The following SPECC1L variants were observed in gnomAD, a reference collection of about 807,000 sequenced individuals.
SPECC1L encodes the protein cytospin-A.
A neutral mutation model predicts 116.8 loss-of-function variants in SPECC1L; 40 were observed. That is an observed-to-expected ratio of 0.34 (90% confidence interval 0.27 to 0.45). SPECC1L has a LOEUF of 0.45. Ranked by LOEUF, SPECC1L falls within the 20% of genes least tolerant of loss-of-function variation. The pLI, the probability that SPECC1L is intolerant of heterozygous loss-of-function variation, is 1.00. For missense variants in SPECC1L, 1,110 were observed against 1,373.6 expected (o/e 0.81, Z 3.03); for synonymous variants, 504 against 500.6 (o/e 1.01, Z -0.09).
At chr22:24,369,592 G>C (rs974139264) in intron 14 of SPECC1L, among the ~76,000 whole-genome samples, 11 of 152,144 alleles carry the variant, frequency 7.2e-5, no homozygotes, top group African/African-American at 2.7e-4. Flanking sequence ...CCAGCTACTT[G>C]AGAGGCTGAG....
chr22:24,286,000 GTTTA>G (rs769185859), intron 2 of SPECC1L, among the ~76,000 whole-genome samples: 1 of 152,216 alleles, frequency 6.6e-6, no homozygotes, highest in East Asian at 1.9e-4. Context: ...AAAAGCGATT[GTTTA>G]TTTAAGCTAA....
intron 11 of SPECC1L, among the ~76,000 whole-genome samples, chr22:24,348,679 C>T (rs2041354383): frequency 6.6e-6 from 1 of 152,266 alleles, no homozygotes; most frequent in East Asian, 1.9e-4. Flanking sequence ...CATCCCGCCT[C>T]CCAGATGAAC....
intron 3 of SPECC1L, among the ~76,000 whole-genome samples, chr22:24,309,005 G>T (rs769701917): frequency 6.6e-6 from 1 of 152,204 alleles, no homozygotes; most frequent in African/African-American, 2.4e-5. Context: ...CATTTCTGAC[G>T]TAGTAAGTTT....
chr22:24,355,697 T>A (rs1260657029), intron 11 of SPECC1L, among the ~76,000 whole-genome samples: 1 of 152,202 alleles, frequency 6.6e-6, no homozygotes, highest in African/African-American at 2.4e-5. Flanking sequence ...TATACAAAGT[T>A]ACTTAAGCCA....
intron 2 of SPECC1L, among the ~76,000 whole-genome samples, chr22:24,278,699 C>G (rs1321408737): frequency 2.0e-5 from 3 of 152,180 alleles, no homozygotes. Context: ...CCAGTGAGTG[C>G]AGCTTGAATC....
intron 14 of SPECC1L, among the ~76,000 whole-genome samples, chr22:24,375,511 A>G (rs911324161): frequency 2.0e-5 from 3 of 152,250 alleles, no homozygotes; most frequent in Non-Finnish European, 4.4e-5. Context: ...TTAATACTGT[A>G]ATACCATATT....
At chr22:24,334,287 C>T (rs1014620453) in intron 8 of SPECC1L, 123 bp from the exon 9 acceptor site, 1 of 945,524 alleles carries the variant, frequency 1.1e-6, no homozygotes, top group South Asian at 1.4e-5. Flanking sequence ...GCTGGGATTA[C>T]AGGTGTGAGC....
intron 2 of SPECC1L, among the ~76,000 whole-genome samples, chr22:24,291,807 C>T (rs1325313399): frequency 2.6e-5 from 4 of 152,118 alleles, no homozygotes; most frequent in Non-Finnish European, 5.9e-5. Context: ...TTAACTTACC[C>T]AGGGATATAG....
At chr22:24,402,369 A>G (rs1229309390) in intron 14 of SPECC1L, among the ~76,000 whole-genome samples, 1 of 151,840 alleles carries the variant, frequency 6.6e-6, no homozygotes. Flanking sequence ...ATCAATCAAC[A>G]GTCTCGATGG....
intron 14 of SPECC1L, among the ~76,000 whole-genome samples, chr22:24,397,065 A>C (rs1302207103): frequency 3.3e-5 from 5 of 152,124 alleles, no homozygotes; most frequent in Non-Finnish European, 7.4e-5. Flanking sequence ...CATTTATTGC[A>C]CTAAAGGAAA....
chr22:24,372,080 C>CT (rs1488368018), intron 14 of SPECC1L, among the ~76,000 whole-genome samples: 1 of 152,132 alleles, frequency 6.6e-6, no homozygotes, highest in East Asian at 1.9e-4. Flanking sequence ...AAGCAGTAAT[C>CT]TAAGTTTCTT....
rs200206900 is a variant in SPECC1L, at chr22:24,321,606, T to C, written c.626T>C (p.Met209Thr). The change falls in exon 5 of 17, where the codon ATG (methionine) becomes ACG (threonine). Residue 209 changes from methionine to threonine, a missense_variant. Transcript: ENST00000314328. ...CATTTGAGAAATGAACTGCGAGACA[T>C]GCGTGCCCAGCTGGGCATTAATGAG... The part of the protein sequence containing the change: ...ILHLRNELRD[M>T]RAQLGINEDH... The C allele has an allele frequency of 1.4e-5, 22 of 1,614,036 alleles. No individual in the cohort carries two copies. Among genetic ancestry groups the C allele is most frequent in the Non-Finnish European group, 1.8e-5 (21 of 1,180,044 alleles).
At chr22:24,312,422 C>T (rs1207026055) in intron 3 of SPECC1L, among the ~76,000 whole-genome samples, 1 of 152,146 alleles carries the variant, frequency 6.6e-6, no homozygotes, top group African/African-American at 2.4e-5. Flanking sequence ...GAAATGAATT[C>T]AGTATGATTA....
intron 14 of SPECC1L, among the ~76,000 whole-genome samples, chr22:24,408,365 G>T (rs979665903): frequency 6.6e-6 from 1 of 152,254 alleles, no homozygotes; most frequent in African/African-American, 2.4e-5. Context: ...GCAGAGAGCC[G>T]CATGGAGGGC....
intron 11 of SPECC1L, among the ~76,000 whole-genome samples, chr22:24,348,986 C>T (rs1386658668): frequency 2.6e-5 from 4 of 152,156 alleles, no homozygotes; most frequent in Non-Finnish European, 4.4e-5. Context: ...CACTCTTGTG[C>T]CTTCTCTCTG....
chr22:24,388,477 G>C (rs1436960341), intron 14 of SPECC1L, among the ~76,000 whole-genome samples: 1 of 151,666 alleles, frequency 6.6e-6, no homozygotes, highest in East Asian at 1.9e-4. Flanking sequence ...TCTTAATCCA[G>C]TCTATCATTG....
intron 11 of SPECC1L, among the ~76,000 whole-genome samples, chr22:24,359,424 G>C (rs1175076701): frequency 6.6e-6 from 1 of 152,108 alleles, no homozygotes. Context: ...AATTAAATGT[G>C]TTCACGTCTC....
chr22:24,317,339 G>T (rs1418505045), intron 4 of SPECC1L, among the ~76,000 whole-genome samples: 1 of 123,408 alleles, frequency 8.1e-6, no homozygotes, highest in Non-Finnish European at 1.8e-5. Flanking sequence ...CCTCCCGGAC[G>T]GGGCGGCTGG....
At chr22:24,291,599 G>T (rs1272598203) in intron 2 of SPECC1L, among the ~76,000 whole-genome samples, 1 of 151,762 alleles carries the variant, frequency 6.6e-6, no homozygotes, top group African/African-American at 2.4e-5. Flanking sequence ...TTTTAATAAG[G>T]CAGTAGTCAT....
Sources: allele counts gnomAD v4.1 joint callset (sites outside exome capture counted in the v4.1 genomes callset), GRCh38; gene constraint gnomAD v4.1.1; transcripts MANE v1.5; gene names NCBI Gene and HGNC (gene_info 2026-07-23, HGNC 2026-07-21).